MAGEA11: variants seen among roughly 807,000 people sequenced by gnomAD.
MAGEA11 encodes the protein melanoma-associated antigen 11.
A neutral mutation model predicts 8.4 loss-of-function variants in MAGEA11; 1 was observed. The observed-to-expected ratio is 0.12, with a 90% CI of 0.04 to 0.57. MAGEA11 has a LOEUF of 0.57. MAGEA11 is among the 20% of genes least tolerant of loss of function. MAGEA11 has a pLI of 0.91. For missense variants in MAGEA11, 209 were observed against 317.3 expected, an observed-to-expected ratio of 0.66 and a Z score of 2.59; for synonymous variants, 127 against 119.3, an observed-to-expected ratio of 1.06 and a Z score of -0.42.
At chrX:149,703,500 G>C (rs2090362735) in intron 1 of MAGEA11, among the ~76,000 whole-genome samples, 1 of 111,295 alleles carries the variant, frequency 9.0e-6, no homozygotes, top group Non-Finnish European at 1.9e-5. Flanking sequence ...GCAGAGCTCT[G>C]GGGTGTGAGA....
chrX:149,704,007 C>T (rs1241182370), intron 1 of MAGEA11, among the ~76,000 whole-genome samples: 2 of 112,258 alleles, frequency 1.8e-5, no homozygotes, highest in Admixed American at 1.9e-4. Context: ...CTTATGGGTT[C>T]AAAGCCCTGT....
At chrX:149,694,395 A>AT (rs1265789967) in intron 1 of MAGEA11, among the ~76,000 whole-genome samples, 4 of 112,163 alleles carry the variant, frequency 3.6e-5, no homozygotes, top group Non-Finnish European at 7.5e-5. Flanking sequence ...TCCTTTGCTC[A>AT]TTTTAAATGG....
At chrX:149,701,487 T>C (rs1419148677) in intron 1 of MAGEA11, among the ~76,000 whole-genome samples, 4 of 109,306 alleles carry the variant, frequency 3.7e-5, no homozygotes, top group Non-Finnish European at 7.6e-5. Context: ...GATGAGTAGG[T>C]TGTGAAAATT....
Position 149,717,010 on chromosome X carries a change from C to G in MAGEA11, c.*234C>G. ...GACTTGGAGATTTCTTTTTGTTTCCCTTTGGTAATTTTCAAATATTGTTCC... is the reference window on the plus strand; with the variant it reads ...GACTTGGAGATTTCTTTTTGTTTCCGTTTGGTAATTTTCAAATATTGTTCC... On this transcript the variant is annotated 3_prime_UTR_variant, in exon 5 of 5. Coordinates refer to ENST00000355220, the MANE Select transcript of MAGEA11 (RefSeq NM_005366.5). 1 of 325,015 alleles carries G rather than the reference C, an allele frequency of 3.1e-6. No individual in the cohort carries two copies. The highest frequency in any genetic ancestry group is 5.3e-6 in the Non-Finnish European group (1 of 187,741). The allele number at this position is 325,015 out of a possible 1,213,427, so 26.8% of individuals were successfully genotyped here. A position where few individuals can be genotyped will look rare whatever the true frequency, so the allele number is the denominator to read the frequency against.
intron 1 of MAGEA11, among the ~76,000 whole-genome samples, chrX:149,699,385 G>A (rs781887157): frequency 9.0e-6 from 1 of 111,387 alleles, no homozygotes; most frequent in Admixed American, 9.5e-5. Flanking sequence ...ATTGGCTGGT[G>A]GCCTTTCTGA....
rs782315137 is a variant in MAGEA11, at chrX:149,716,037, C to G, written c.551C>G (p.Ala184Gly). Residue 184 changes from alanine to glycine, a missense_variant, in exon 5 of 5, where the codon GCC (alanine) becomes GGC (glycine). Transcript: ENST00000355220. The part of the protein sequence containing the change: ...SPQEESFSPT[A>G]MDAIFGSLSD... The stretch of plus-strand genomic sequence containing the variant: ...CAGGAAGAGTCCTTCTCTCCCACTG[C>G]CATGGATGCCATCTTTGGGAGCCTA... 2.5e-6 allele frequency: 3 copies of G among 1,211,887 alleles called. No individual in the cohort carries two copies. The highest frequency in any genetic ancestry group is 3.3e-6 in the Non-Finnish European group (3 of 895,560).
intron 1 of MAGEA11, among the ~76,000 whole-genome samples, chrX:149,701,149 C>T (rs1329120204): frequency 2.4e-4 from 27 of 111,469 alleles, no homozygotes; most frequent in Middle Eastern, 4.6e-3. Flanking sequence ...ACACTGACTT[C>T]CACAAGGGTT....
intron 1 of MAGEA11, among the ~76,000 whole-genome samples, chrX:149,690,335 G>T (rs900475385): frequency 8.9e-6 from 1 of 112,401 alleles, no homozygotes; most frequent in Admixed American, 9.4e-5. Flanking sequence ...CTCATTTAAG[G>T]AATATTACAG....
chrX:149,712,038 G>A (rs1233977946), upstream of MAGEA11: 30 of 749,526 alleles, frequency 4.0e-5, no homozygotes, highest in South Asian at 6.9e-5. Context: ...AGCTCCAGGC[G>A]TGGGGGCCGG....
intron 1 of MAGEA11, among the ~76,000 whole-genome samples, chrX:149,689,290 C>T (rs1290856584): frequency 9.0e-6 from 1 of 111,139 alleles, no homozygotes; most frequent in African/African-American, 3.3e-5. Flanking sequence ...CTCTTCTAAT[C>T]TAGTGTGTTC....
At chrX:149,699,651 T>G (rs781847737) in intron 1 of MAGEA11, among the ~76,000 whole-genome samples, 5 of 111,679 alleles carry the variant, frequency 4.5e-5, no homozygotes, top group Non-Finnish European at 7.5e-5. Flanking sequence ...GTTCCCAACT[T>G]GAGAAGGCAG....
chrX:149,704,929 C>T (rs142062688), intron 1 of MAGEA11, among the ~76,000 whole-genome samples: 98 of 112,959 alleles, frequency 8.7e-4, no homozygotes, highest in African/African-American at 3.0e-3. Context: ...ACTGCATCCA[C>T]GTAGGTGTCA....
intron 1 of MAGEA11, among the ~76,000 whole-genome samples, chrX:149,697,355 G>A (rs1352019183): frequency 9.0e-6 from 1 of 111,491 alleles, no homozygotes; most frequent in African/African-American, 3.3e-5. Flanking sequence ...AGTTGTCATG[G>A]TCTTGAGTCT....
At chrX:149,707,371 G>T (rs1557361570), upstream of MAGEA11, among the ~76,000 whole-genome samples, 1 of 111,682 alleles carries the variant, frequency 9.0e-6, no homozygotes, top group East Asian at 2.8e-4. Context: ...AAACTTAAAG[G>T]TGCAGTAGAT....
At chrX:149,691,886 A>T (rs981451325) in intron 1 of MAGEA11, among the ~76,000 whole-genome samples, 3 of 112,747 alleles carry the variant, frequency 2.7e-5, no homozygotes, top group Admixed American at 9.4e-5. Flanking sequence ...TCGCTCAGAG[A>T]TCAGTTATTT....
Position 149,713,232 on chromosome X carries a change from G to A in MAGEA11, c.73G>A (p.Asp25Asn). The A allele has an allele frequency of 8.3e-7, 1 of 1,200,426 alleles. No homozygotes were observed. Among genetic ancestry groups the A allele is most frequent in the Non-Finnish European group, 1.1e-6 (1 of 888,757 alleles). Residue 25 changes from aspartate to asparagine, a missense_variant, in exon 2 of 5, where the codon GAC becomes AAC. This residue lies in a region of MAGEA11 where 131 missense variants were observed against 138.5 expected (regional missense o/e 0.95). Transcript: ENST00000355220. ...ASIKRKKKRE[D>N]SGDFGLQVST... ...CATCAAGAGGAAGAAGAAGAGGGAG[G>A]ACTCAGGAGACTTTGGACTCCAGGT...
At chrX:149,694,701 C>T (rs782528490) in intron 1 of MAGEA11, among the ~76,000 whole-genome samples, 143 of 110,464 alleles carry the variant, frequency 1.3e-3, no homozygotes, top group African/African-American at 3.8e-3. Context: ...TCTTTTCTTT[C>T]TCTTTCTTTC....
exon 1 of MAGEA11, chrX:149,688,828 C>A: frequency 2.5e-6 from 1 of 392,650 alleles, no homozygotes; most frequent in Non-Finnish European, 4.6e-6. Flanking sequence ...ATCCTGTGCA[C>A]TCTCACCAGG....
upstream of MAGEA11, chrX:149,711,935 G>A (rs1221824826): frequency 8.9e-5 from 7 of 78,450 alleles, no homozygotes; most frequent in Non-Finnish European, 1.1e-4. Context: ...GCCCCACCCC[G>A]CCCCGCCCCG....
Sources: allele counts gnomAD v4.1 joint callset (sites outside exome capture counted in the v4.1 genomes callset), GRCh38; gene constraint gnomAD v4.1.1; regional missense constraint gnomAD v4.1.1; transcripts MANE v1.5; gene names NCBI Gene and HGNC (gene_info 2026-07-23, HGNC 2026-07-21).